The following LRRC41 variants were observed in gnomAD, a reference collection of about 807,000 sequenced individuals.
LRRC41 encodes the protein leucine rich repeat containing 41.
In LRRC41, 17 loss-of-function variants were observed where a neutral mutation model predicts 72.1. The observed-to-expected ratio is 0.24, with a 90% CI of 0.16 to 0.35. LRRC41 has a LOEUF of 0.35. Ranked by LOEUF, LRRC41 falls within the 10% of genes least tolerant of loss-of-function variation. The probability of loss-of-function intolerance (pLI) is 1.00; values close to 1 mark genes in which losing one functional copy is unlikely to be tolerated. For synonymous variants in LRRC41, 427 were observed against 431.0 expected (o/e 0.99, Z 0.11); for missense variants, 759 against 1,065.0 (o/e 0.71, Z 4.00).
intron 1 of LRRC41, among the ~76,000 whole-genome samples, chr1:46,301,323 C>G (rs1661218740): frequency 6.6e-6 from 1 of 152,140 alleles, no homozygotes; most frequent in East Asian, 1.9e-4. Context: ...GTCTTAGCAT[C>G]CCAGAAGCTC....
At chr1:46,292,067 A>G (rs1272796788) in intron 3 of LRRC41, among the ~76,000 whole-genome samples, 2 of 151,896 alleles carry the variant, frequency 1.3e-5, no homozygotes, top group Non-Finnish European at 2.9e-5. Context: ...TAATCCCAGC[A>G]CTTTGGGAGG....
At chr1:46,280,610 C>G (rs1660753052) in intron 5 of LRRC41, 50 bp from the exon 6 acceptor site, 2 of 1,581,842 alleles carry the variant, frequency 1.3e-6, no homozygotes, top group Non-Finnish European at 1.7e-6. Context: ...CTACCTCACT[C>G]CCATAGCAGG....
rs1196165249 is a variant in LRRC41, at chr1:46,286,675, A to G, written c.358-176T>C. On this transcript the variant is annotated intron_variant, in intron 3 of 9. Transcript: ENST00000617190. This position sits in a 1 kb window ranked among gnomAD's most constrained non-coding sequence, Gnocchi z 5.5. ...CCTATTTTACAGGTAAAACCGAGGC[A>G]CAAAGAGGTGGCCACACAGGTAAGT... 6.6e-6 allele frequency among the ~76,000 whole-genome samples: 1 copy of G among 152,202 alleles called. No individual in the cohort carries two copies. Among genetic ancestry groups the G allele is most frequent in the African/African-American group, 2.4e-5 (1 of 41,454 alleles).
At position 46,303,601 on chromosome 1, in the gene LRRC41, T is replaced by G. The variant is rs1417466059; in HGVS notation, c.-279A>C. 1.9e-6 allele frequency: 2 copies of G among 1,044,126 alleles called. No homozygotes were observed. 64.7% of individuals were successfully genotyped at this position (1,044,126 alleles called of 1,614,324 possible). On this transcript the variant is annotated 5_prime_UTR_variant, in exon 1 of 10. Transcript: ENST00000617190. ...ACCCCTAACCTCTGCCTGCGGCTGG[T>G]AGTACATGCCAATCTGAGCATGTGT...
intron 4 of LRRC41, among the ~76,000 whole-genome samples, chr1:46,282,553 G>A (rs186220664): frequency 1.2e-3 from 182 of 152,302 alleles, no homozygotes; most frequent in African/African-American, 4.2e-3. Context: ...CAAAGGATGA[G>A]TACCTAGTCC....
At chr1:46,299,143 G>A (rs1661178972) in intron 1 of LRRC41, 1 of 152,206 alleles carries the variant, frequency 6.6e-6, no homozygotes, top group East Asian at 1.9e-4. Context: ...ATAGTATAGT[G>A]TCTAAAGGGT....
At chr1:46,297,457 C>G (rs569214554) in intron 3 of LRRC41, 106 bp downstream of exon 3, 65 of 869,894 alleles carry the variant, frequency 7.5e-5, no homozygotes, top group Non-Finnish European at 6.3e-5. Flanking sequence ...CAAATCCATT[C>G]CATCATTGCC....
Position 46,303,231 on chromosome 1 carries a change from G to A in LRRC41, c.92C>T (p.Ala31Val), listed in dbSNP as rs771901154. The A allele has an allele frequency of 9.0e-6, 14 of 1,556,516 alleles. No individual in the cohort carries two copies. Among genetic ancestry groups the A allele is most frequent in the East Asian group, 4.8e-5 (2 of 41,516 alleles). The change falls in exon 1 of 10, where the codon GCG (alanine) becomes GTG (valine). Residue 31 changes from alanine to valine, a missense_variant. Physicochemically the swap from Ala to Val is moderately conservative, Grantham distance 64. Transcript: ENST00000617190. ...TTMEATSREA[A>V]PAKSSASGPN... ...GCCCGAGGCCGAGCTCTTCGCTGGC[G>A]CCGCCTCCCGGGACGTGGCCTCCAT...
In LRRC41 at chr1:46,285,443, G is replaced by A; in HGVS notation, c.1414C>T (p.Leu472Phe). 1 of 1,614,202 alleles carries A rather than the reference G, an allele frequency of 6.2e-7. No homozygotes were observed. Among genetic ancestry groups the A allele is most frequent in the East Asian group, 2.2e-5 (1 of 44,882 alleles). The change falls in exon 4 of 10, where the codon CTC (leucine) becomes TTC (phenylalanine). Residue 472 changes from leucine (L) to phenylalanine (F), a missense_variant. By Grantham distance (22) the Leu-to-Phe change is conservative. Transcript: ENST00000617190. This position sits in a 1 kb window ranked among gnomAD's most constrained non-coding sequence, Gnocchi z 5.3. ...ISTLELFTVPLSTEAALTLCH... is the reference protein window; with the variant it reads ...ISTLELFTVPFSTEAALTLCH... ...AGTGTCAGGGCTGCCTCTGTGGAGA[G>A]TGGAACTGTGAATAGCTCCAAGGTG...
At chr1:46,292,392 C>T (rs1050905062) in intron 3 of LRRC41, among the ~76,000 whole-genome samples, 1 of 152,268 alleles carries the variant, frequency 6.6e-6, no homozygotes, top group South Asian at 2.1e-4. Flanking sequence ...CCACCACATC[C>T]AGCCAGCCTA....
At chr1:46,280,138 G>A in intron 7 of LRRC41, 54 bp downstream of exon 7, 1 of 1,360,356 alleles carries the variant, frequency 7.4e-7, no homozygotes, top group Non-Finnish European at 1.1e-6. Flanking sequence ...TCAGATTATG[G>A]CAGAACCATA....
chr1:46,298,204 CA>C (rs1057487865), intron 2 of LRRC41, 79 bp downstream of exon 2: 39 of 995,228 alleles, frequency 3.9e-5, no homozygotes, highest in Non-Finnish European at 5.4e-5. Context: ...TAGCAGGTAT[CA>C]GGGGTAATAT....
chr1:46,281,091 G>A (rs369137036), intron 5 of LRRC41, 34 bp downstream of exon 5: 14 of 1,608,570 alleles, frequency 8.7e-6, no homozygotes, highest in African/African-American at 5.3e-5. Flanking sequence ...ATACACGTGC[G>A]TGCACACACA....
intron 3 of LRRC41, among the ~76,000 whole-genome samples, chr1:46,296,188 G>A (rs1387146250): frequency 6.6e-6 from 1 of 152,194 alleles, no homozygotes; most frequent in African/African-American, 2.4e-5. Flanking sequence ...GCCGAGGTGG[G>A]TGGATCAACT....
intron 3 of LRRC41, 92 bp downstream of exon 3, chr1:46,297,471 G>T: frequency 9.9e-7 from 1 of 1,013,664 alleles, no homozygotes; most frequent in Non-Finnish European, 1.5e-6. Flanking sequence ...CATTGCCTCT[G>T]CACTTTATCA....
Position 46,286,410 on chromosome 1 carries a change from A to G in LRRC41, c.447T>C (p.Leu149=). ...GTIDVSSDRR[L]CDQRFSPLLH... ...GAAGAGGTGAGAACCGCTGATCACA[A>G]AGACGCCTGTCAGAAGACACATCAA... Residue 149 remains leucine, a synonymous_variant, in exon 4 of 10, where the codon CTT becomes CTC. Coordinates refer to ENST00000617190, the MANE Select transcript of LRRC41 (RefSeq NM_006369.5). This position sits in a 1 kb window ranked among gnomAD's most constrained non-coding sequence, Gnocchi z 5.5. 2 of 1,614,216 alleles carry G rather than the reference A, an allele frequency of 1.2e-6. No individual in the cohort carries two copies. The highest frequency in any genetic ancestry group is 1.7e-6 in the Non-Finnish European group (2 of 1,180,036).
chr1:46,281,046 T>A, intron 5 of LRRC41, 79 bp downstream of exon 5: 1 of 1,561,610 alleles, frequency 6.4e-7, no homozygotes, highest in Non-Finnish European at 8.7e-7. Context: ...CCTTCCCCTT[T>A]CCCCATACGA....
chr1:46,303,593 G>T lies in LRRC41; in HGVS notation c.-271C>A. ...CATCAGCTACCCCTAACCTCTGCCT[G>T]CGGCTGGTAGTACATGCCAATCTGA... On this transcript the variant is annotated 5_prime_UTR_variant, in exon 1 of 10. Transcript: ENST00000617190. 2 of 991,724 alleles carry T rather than the reference G, an allele frequency of 2.0e-6. No individual in the cohort carries two copies. 61.4% of individuals were successfully genotyped at this position (991,724 alleles called of 1,614,324 possible).
At position 46,280,418 on chromosome 1, in the gene LRRC41, C is replaced by A; in HGVS notation, c.1899G>T (p.Gly633=). The stretch of plus-strand genomic sequence containing the variant: ...TACCTTTGAGTGTTTGCAAAACAAG[C>A]CCAAAATCCTGGGGAGAGGCAAAGG... ...SATFASPQDF[G]LVLQTLKEYN... is the part of the protein sequence containing the mutation. The change falls in exon 6 of 10, where the codon GGG becomes GGT. Residue 633 remains glycine, a synonymous_variant. Coordinates refer to ENST00000617190, the MANE Select transcript of LRRC41 (RefSeq NM_006369.5). 6.2e-7 allele frequency: 1 copy of A among 1,614,178 alleles called. No homozygotes were observed. The highest frequency in any genetic ancestry group is 8.5e-7 in the Non-Finnish European group (1 of 1,180,044).
Sources: gnomAD v4.1 joint callset for allele counts (sites outside exome capture counted in the v4.1 genomes callset) on GRCh38, gnomAD v4.1.1 for gene constraint, Gnocchi (gnomAD v3.1) non-coding constraint, MANE v1.5 for transcripts, NCBI Gene and HGNC (gene_info 2026-07-23, HGNC 2026-07-21) for gene names.